Variants in HOXC13 observed in about 807,000 individuals in gnomAD.
The protein encoded by HOXC13 is homeobox protein Hox-C13.
A neutral mutation model predicts 25.9 loss-of-function variants in HOXC13; 10 were observed. The observed-to-expected ratio is 0.39, with a 90% CI of 0.24 to 0.65. HOXC13 has a LOEUF of 0.65. HOXC13 is among the 30% of genes least tolerant of loss of function. HOXC13 has a pLI of 0.50. For missense variants in HOXC13, 439 were observed against 478.3 expected (o/e 0.92, Z 0.77); for synonymous variants, 233 against 217.1 (o/e 1.07, Z -0.64).
chr12:53,940,939 T>C (rs1202847518), intron 1 of HOXC13, among the ~76,000 whole-genome samples: 3 of 151,968 alleles, frequency 2.0e-5, no homozygotes, highest in East Asian at 3.9e-4. Context: ...GAAGAAGAGG[T>C]AGGTGGTTTA....
In HOXC13 at chr12:53,939,241, C is replaced by T. The variant is rs969862990; in HGVS notation, c.335C>T (p.Pro112Leu). The change falls in exon 1 of 2, where the codon CCC becomes CTC. Residue 112 changes from proline (P) to leucine (L), a missense_variant. Transcript: ENST00000243056. The surrounding 1 kb of genome is among the most constrained non-coding windows in gnomAD (Gnocchi z 6.7). The part of the protein sequence containing the change: ...ARQCAPPPAP[P>L]TSSSATLGYG... ...CAGTGTGCCCCGCCGCCCGCACCCC[C>T]CACCTCGTCCAGCGCCACCCTGGGC... is the stretch of plus-strand genomic sequence containing the variant. The T allele has an allele frequency of 1.9e-6, 3 of 1,543,348 alleles. No individual in the cohort carries two copies. Among genetic ancestry groups the T allele is most frequent in the Non-Finnish European group, 2.6e-6 (3 of 1,146,090 alleles).
chr12:53,942,262 G>A (rs1031483546), intron 1 of HOXC13, among the ~76,000 whole-genome samples: 1 of 147,758 alleles, frequency 6.8e-6, no homozygotes, highest in African/African-American at 2.5e-5. Flanking sequence ...GGGTTTAGGA[G>A]AGAGAAAGAG....
chr12:53,946,376 G>A lies in HOXC13; in HGVS notation c.*1120G>A, dbSNP rs1592186190. The A allele has an allele frequency of 4.5e-5, 10 of 221,926 alleles. No individual in the cohort carries two copies. In the East Asian group the frequency reaches 6.6e-4, roughly 15 times the overall value. The allele number at this position is 221,926 out of a possible 1,614,324, so 13.7% of individuals were successfully genotyped here. ...CCTTGCCTCTTCCCTTCCCACTGGT[G>A]CATTACAAAACAGTGTTCTTTTGAA... On this transcript the variant is annotated 3_prime_UTR_variant, in exon 2 of 2. Coordinates refer to ENST00000243056, the MANE Select transcript of HOXC13 (RefSeq NM_017410.3).
chr12:53,945,832 G>C lies in HOXC13; in HGVS notation c.*576G>C, dbSNP rs1340949638. 1 of 236,798 alleles carries C rather than the reference G, an allele frequency of 4.2e-6. No homozygotes were observed. Among genetic ancestry groups the C allele is most frequent in the Non-Finnish European group, 8.3e-6 (1 of 119,766 alleles). The allele number at this position is 236,798 out of a possible 1,614,324, so 14.7% of individuals were successfully genotyped here. A position where few individuals can be genotyped will look rare whatever the true frequency, so the allele number is the denominator to read the frequency against. ...ATAATTATTAGGGACCTGGCAGCGTGATTGGAGTATGGATGTTTCCGTAAA... is the reference window on the plus strand; with the variant it reads ...ATAATTATTAGGGACCTGGCAGCGTCATTGGAGTATGGATGTTTCCGTAAA... On this transcript the variant is annotated 3_prime_UTR_variant, in exon 2 of 2. Coordinates refer to ENST00000243056, the MANE Select transcript of HOXC13 (RefSeq NM_017410.3). This position sits in a 1 kb window ranked among gnomAD's most constrained non-coding sequence, Gnocchi z 4.4.
At chr12:53,944,378 C>G (rs1375780752) in intron 1 of HOXC13, among the ~76,000 whole-genome samples, 1 of 152,152 alleles carries the variant, frequency 6.6e-6, no homozygotes, top group Non-Finnish European at 1.5e-5. Context: ...TGTCCAAAGG[C>G]GTGAAGACTC....
At position 53,945,424 on chromosome 12, in the gene HOXC13, C is replaced by A; in HGVS notation, c.*168C>A. 1.4e-6 allele frequency: 1 copy of A among 738,328 alleles called. No individual in the cohort carries two copies. Among genetic ancestry groups the A allele is most frequent in the East Asian group, 2.6e-5 (1 of 38,210 alleles). The allele number at this position is 738,328 out of a possible 1,614,324, so 45.7% of individuals were successfully genotyped here. A position where few individuals can be genotyped will look rare whatever the true frequency, so the allele number is the denominator to read the frequency against. On this transcript the variant is annotated 3_prime_UTR_variant, in exon 2 of 2. Transcript: ENST00000243056. This position sits in a 1 kb window ranked among gnomAD's most constrained non-coding sequence, Gnocchi z 4.4. ...CCATGGCCGTGCTGCTGGGCCATCC[C>A]CAACTCCCTATCCCATCCCCAGCCT...
At chr12:53,940,324 G>A (rs561343735) in intron 1 of HOXC13, among the ~76,000 whole-genome samples, 81 of 152,224 alleles carry the variant, frequency 5.3e-4, no homozygotes, top group Admixed American at 9.2e-4. Context: ...TTGGTATATT[G>A]AGCTCAAACC....
Position 53,939,010 on chromosome 12 carries a change from G to A in HOXC13, c.104G>A (p.Gly35Glu), listed in dbSNP as rs1020710166. The stretch of plus-strand genomic sequence containing the variant: ...GGCATCGGCGGCGGCGGCGGAGGAG[G>A]AGGCGGCGGCACGGGCGGAGCGGGG... Reference protein sequence around the residue: ...ESGIGGGGGGGGGGTGGAGGG... With the variant: ...ESGIGGGGGGEGGGTGGAGGG... Residue 35 changes from glycine (G) to glutamate (E), a missense_variant, in exon 1 of 2, where the codon GGA becomes GAA. Transcript: ENST00000243056. The surrounding 1 kb of genome is among the most constrained non-coding windows in gnomAD (Gnocchi z 6.7). The A allele has an allele frequency of 1.4e-5, 21 of 1,492,822 alleles. No homozygotes were observed. The highest frequency in any genetic ancestry group is 1.9e-5 in the Non-Finnish European group (21 of 1,127,934). 92.5% of individuals were successfully genotyped at this position (1,492,822 alleles called of 1,614,324 possible).
Position 53,939,528 on chromosome 12 carries a change from C to G in HOXC13, c.622C>G (p.Leu208Val). 1 of 1,612,176 alleles carries G rather than the reference C, an allele frequency of 6.2e-7. No individual in the cohort carries two copies. The highest frequency in any genetic ancestry group is 8.5e-7 in the Non-Finnish European group (1 of 1,179,852). ...GCACCCGGAGCCGCGTCACGACGCCCTCATCCCCGTCGAAGGCTACCAGCA... is the reference window on the plus strand; with the variant it reads ...GCACCCGGAGCCGCGTCACGACGCCGTCATCCCCGTCGAAGGCTACCAGCA... ...SGHPEPRHDA[L>V]IPVEGYQHWA... Residue 208 changes from leucine (L) to valine (V), a missense_variant, in exon 1 of 2, where the codon CTC (leucine) becomes GTC (valine). Leu to Val is a conservative substitution (Grantham distance 32). Transcript: ENST00000243056. This position sits in a 1 kb window ranked among gnomAD's most constrained non-coding sequence, Gnocchi z 6.7.
Position 53,945,317 on chromosome 12 carries a change from A to G in HOXC13, c.*61A>G. ...TCCGCTTTGTACCATAACCGAACCC[A>G]CGGAAAGACGCTGCGCGGGTGCAGA... On this transcript the variant is annotated 3_prime_UTR_variant, in exon 2 of 2. Coordinates refer to ENST00000243056, the MANE Select transcript of HOXC13 (RefSeq NM_017410.3). This position sits in a 1 kb window ranked among gnomAD's most constrained non-coding sequence, Gnocchi z 4.4. 6.4e-7 allele frequency: 1 copy of G among 1,568,012 alleles called. No individual in the cohort carries two copies. The highest frequency in any genetic ancestry group is 8.7e-7 in the Non-Finnish European group (1 of 1,144,126).
rs1390386452 is a variant in HOXC13, at chr12:53,945,753, A to G, written c.*497A>G. On this transcript the variant is annotated 3_prime_UTR_variant, in exon 2 of 2. Transcript: ENST00000243056. This position sits in a 1 kb window ranked among gnomAD's most constrained non-coding sequence, Gnocchi z 4.4. Reference sequence around the variant, plus strand: ...GTCCCTCCCGCACTCCTTAGGCAAGATTTCCCAGTAAAGATTTTCTGTGCG... The same window carrying G: ...GTCCCTCCCGCACTCCTTAGGCAAGGTTTCCCAGTAAAGATTTTCTGTGCG... 2 of 243,852 alleles carry G rather than the reference A, an allele frequency of 8.2e-6. No homozygotes were observed. The highest frequency in any genetic ancestry group is 1.6e-5 in the Non-Finnish European group (2 of 122,984). The allele number at this position is 243,852 out of a possible 1,614,324, so 15.1% of individuals were successfully genotyped here.
At position 53,945,030 on chromosome 12, in the gene HOXC13, G is replaced by C. The variant is rs1290114930; in HGVS notation, c.767G>C (p.Ser256Thr). 1 of 1,613,894 alleles carries C rather than the reference G, an allele frequency of 6.2e-7. No homozygotes were observed. The highest frequency in any genetic ancestry group is 1.3e-5 in the African/African-American group (1 of 74,906). Residue 256 changes from serine (S) to threonine (T), a missense_variant, in exon 2 of 2, where the codon AGC (serine) becomes ACC (threonine). Transcript: ENST00000243056. The surrounding 1 kb of genome is among the most constrained non-coding windows in gnomAD (Gnocchi z 4.4). Reference protein sequence around the residue: ...DVVPLQPEVSSYRRGRKKRVP... With the variant: ...DVVPLQPEVSTYRRGRKKRVP... ...GTTCCCCTGCAGCCCGAGGTGAGCAGCTACCGGCGCGGGCGCAAGAAACGC... is the reference window on the plus strand; with the variant it reads ...GTTCCCCTGCAGCCCGAGGTGAGCACCTACCGGCGCGGGCGCAAGAAACGC...
At chr12:53,941,749 C>G (rs2044210) in intron 1 of HOXC13, among the ~76,000 whole-genome samples, 87,792 of 152,180 alleles carry the variant, frequency 0.58, 28,269 homozygotes, top group East Asian at 0.79. Context: ...GCTATGTGCT[C>G]CCACAATCCC....
rs1175516901 is a variant in HOXC13, at chr12:53,939,558, G to A, written c.652G>A (p.Ala218Thr). ...CCCCGTCGAAGGCTACCAGCACTGG[G>A]CTCTCTCCAATGGCTGGGACAGTCA... ...LIPVEGYQHW[A>T]LSNGWDSQVY... Residue 218 changes from alanine to threonine, a missense_variant, in exon 1 of 2, where the codon GCT (alanine) becomes ACT (threonine). Ala to Thr is a moderately conservative substitution (Grantham distance 58, BLOSUM62 0). Transcript: ENST00000243056. The surrounding 1 kb of genome is among the most constrained non-coding windows in gnomAD (Gnocchi z 6.7). The A allele has an allele frequency of 6.2e-7, 1 of 1,611,964 alleles. No individual in the cohort carries two copies. The highest frequency in any genetic ancestry group is 1.3e-5 in the African/African-American group (1 of 75,010).
At chr12:53,944,955 C>T (rs1938668328) in intron 1 of HOXC13, 45 bp from the exon 2 acceptor site, 1 of 1,609,758 alleles carries the variant, frequency 6.2e-7, no homozygotes, top group African/African-American at 1.3e-5. Context: ...TATCTCAGTC[C>T]AGCCGCTTGC....
At position 53,945,411 on chromosome 12, in the gene HOXC13, T is replaced by C; in HGVS notation, c.*155T>C. On this transcript the variant is annotated 3_prime_UTR_variant, in exon 2 of 2. Transcript: ENST00000243056. This position sits in a 1 kb window ranked among gnomAD's most constrained non-coding sequence, Gnocchi z 4.4. ...AGGCAGAGAGGCTCCATGGCCGTGC[T>C]GCTGGGCCATCCCCAACTCCCTATC... 1.2e-6 allele frequency: 1 copy of C among 838,182 alleles called. No homozygotes were observed. Among genetic ancestry groups the C allele is most frequent in the Non-Finnish European group, 1.8e-6 (1 of 541,324 alleles). 51.9% of individuals were successfully genotyped at this position (838,182 alleles called of 1,614,324 possible).
In HOXC13 at chr12:53,946,156, A is replaced by G. The variant is rs1161716267; in HGVS notation, c.*900A>G. 3 of 230,588 alleles carry G rather than the reference A, an allele frequency of 1.3e-5. No homozygotes were observed. The highest frequency in any genetic ancestry group is 5.7e-5 in the Admixed American group (1 of 17,684). 14.3% of individuals were successfully genotyped at this position (230,588 alleles called of 1,614,324 possible). ...GGGGATGGAGAGTGGGTCCCTCAAC[A>G]AAGTCCCTGTCCAGTCACCTTTCCA... On this transcript the variant is annotated 3_prime_UTR_variant, in exon 2 of 2. Transcript: ENST00000243056.
At position 53,939,276 on chromosome 12, in the gene HOXC13, C is replaced by G; in HGVS notation, c.370C>G (p.Pro124Ala). 2 of 1,564,290 alleles carry G rather than the reference C, an allele frequency of 1.3e-6. No individual in the cohort carries two copies. Among genetic ancestry groups the G allele is most frequent in the East Asian group, 2.4e-5 (1 of 42,030 alleles). ...CAGCGCCACCCTGGGCTACGGCTAC[C>G]CCTTCGGGGGCAGCTACTACGGCTG... ...SSSATLGYGY[P>A]FGGSYYGCRL... is the part of the protein sequence containing the mutation. The change falls in exon 1 of 2, where the codon CCC (proline) becomes GCC (alanine). Residue 124 changes from proline (P) to alanine (A), a missense_variant. Transcript: ENST00000243056. This position sits in a 1 kb window ranked among gnomAD's most constrained non-coding sequence, Gnocchi z 6.7.
Position 53,945,318 on chromosome 12 carries a change from C to G in HOXC13, c.*62C>G. Reference sequence around the variant, plus strand: ...CCGCTTTGTACCATAACCGAACCCACGGAAAGACGCTGCGCGGGTGCAGAA... The same window carrying G: ...CCGCTTTGTACCATAACCGAACCCAGGGAAAGACGCTGCGCGGGTGCAGAA... On this transcript the variant is annotated 3_prime_UTR_variant, in exon 2 of 2. Transcript: ENST00000243056. The surrounding 1 kb of genome is among the most constrained non-coding windows in gnomAD (Gnocchi z 4.4). 1 of 1,570,612 alleles carries G rather than the reference C, an allele frequency of 6.4e-7. No individual in the cohort carries two copies.
Sources: gnomAD v4.1 joint callset for allele counts (sites outside exome capture counted in the v4.1 genomes callset) on GRCh38, gnomAD v4.1.1 for gene constraint, Gnocchi (gnomAD v3.1) non-coding constraint, MANE v1.5 for transcripts, NCBI Gene and HGNC (gene_info 2026-07-23, HGNC 2026-07-21) for gene names.